Variants in DOCK7 observed in about 807,000 individuals in gnomAD.
The protein encoded by DOCK7 is dedicator of cytokinesis protein 7.
Under a neutral mutation model 271.0 loss-of-function variants are expected in DOCK7, and 138 were observed. The ratio of observed to expected loss-of-function variants is 0.51; its 90% CI spans 0.44 to 0.59. The LOEUF (loss-of-function observed/expected upper bound fraction) is 0.59, where lower values mean the gene tolerates loss of function less well. Ranked by LOEUF, DOCK7 falls within the 20% of genes least tolerant of loss-of-function variation. DOCK7 has a pLI of 0.00. For synonymous variants in DOCK7, 823 were observed against 876.1 expected (o/e 0.94, Z 1.07); for missense variants, 2,066 against 2,592.4 (o/e 0.80, Z 4.41).
At position 62,528,183 on chromosome 1, in the gene DOCK7, T is replaced by C; in HGVS notation, c.3904A>G (p.Thr1302Ala). 1 of 1,613,284 alleles carries C rather than the reference T, an allele frequency of 6.2e-7. No homozygotes were observed. The highest frequency in any genetic ancestry group is 2.2e-5 in the East Asian group (1 of 44,812). Residue 1302 changes from threonine to alanine, a missense_variant, in exon 31 of 50, where the codon ACA becomes GCA. Coordinates refer to ENST00000635253, the MANE Select transcript of DOCK7 (RefSeq NM_001367561.1). ...AIAGTSVPQL[T>A]RPGSFLLTST... is the part of the protein sequence containing the mutation. ...GTGAGGAGGAAACTGCCAGGCCTTG[T>C]TAGTTGAGGGACCGATGTCCCTGCG...
chr1:62,490,711 C>A (rs1421584970), intron 41 of DOCK7, among the ~76,000 whole-genome samples: 1 of 151,926 alleles, frequency 6.6e-6, no homozygotes, highest in Non-Finnish European at 1.5e-5. Context: ...GTTACTGTCC[C>A]CCAATCTAAA....
chr1:62,643,969 C>G (rs910831082), intron 7 of DOCK7, among the ~76,000 whole-genome samples: 1 of 151,784 alleles, frequency 6.6e-6, no homozygotes. Flanking sequence ...TTCTGAGAGT[C>G]TCTTGTTCCT....
chr1:62,677,993 T>G (rs1336491788), intron 1 of DOCK7, among the ~76,000 whole-genome samples: 1 of 152,108 alleles, frequency 6.6e-6, no homozygotes, highest in Non-Finnish European at 1.5e-5. Context: ...CCAGACATGG[T>G]GGTGCACACC....
chr1:62,610,507 C>T (rs577718789), intron 14 of DOCK7, among the ~76,000 whole-genome samples: 9 of 151,992 alleles, frequency 5.9e-5, no homozygotes, highest in South Asian at 2.1e-4. Flanking sequence ...GGGATACATG[C>T]GCAGAACGTG....
At chr1:62,590,740 A>C (rs1648313687) in intron 14 of DOCK7, among the ~76,000 whole-genome samples, 1 of 152,178 alleles carries the variant, frequency 6.6e-6, no homozygotes, top group Non-Finnish European at 1.5e-5. Flanking sequence ...TATGAAAAAA[A>C]CCTCAACATC....
intron 31 of DOCK7, among the ~76,000 whole-genome samples, chr1:62,525,499 T>TATG (rs1256578317): frequency 6.6e-6 from 1 of 152,176 alleles, no homozygotes; most frequent in African/African-American, 2.4e-5. Flanking sequence ...CATTATGTTT[T>TATG]ATGTACTTTG....
chr1:62,630,996 C>T (rs1654556096), intron 11 of DOCK7, among the ~76,000 whole-genome samples: 1 of 151,796 alleles, frequency 6.6e-6, no homozygotes, highest in South Asian at 2.1e-4. Flanking sequence ...ACCAGTTTGG[C>T]CAAAATGGTG....
intron 42 of DOCK7, chr1:62,488,342 A>G (rs942009881): frequency 1.3e-5 from 2 of 152,664 alleles, no homozygotes; most frequent in African/African-American, 4.8e-5. Context: ...TAGTGATAAT[A>G]TGTAGATTCC....
chr1:62,545,818 C>T (rs1271839264), intron 22 of DOCK7, among the ~76,000 whole-genome samples: 1 of 152,018 alleles, frequency 6.6e-6, no homozygotes, highest in Non-Finnish European at 1.5e-5. Context: ...TACTGTGATT[C>T]CAGGTGAAGG....
chr1:62,678,109 C>T, intron 1 of DOCK7, among the ~76,000 whole-genome samples: 1 of 152,078 alleles, frequency 6.6e-6, no homozygotes, highest in Non-Finnish European at 1.5e-5. Context: ...TCCTGGACAA[C>T]AGAGCAAGAG....
chr1:62,646,732 T>A (rs1656716189), intron 7 of DOCK7, among the ~76,000 whole-genome samples: 1 of 152,204 alleles, frequency 6.6e-6, no homozygotes, highest in African/African-American at 2.4e-5. Context: ...ACGCATTCTA[T>A]GGTATTTTGT....
At chr1:62,653,629 T>G (rs1156435586) in intron 4 of DOCK7, 96 bp downstream of exon 4, 14 of 783,916 alleles carry the variant, frequency 1.8e-5, no homozygotes, top group Non-Finnish European at 3.0e-5. Flanking sequence ...TTTGTTTAAA[T>G]AAATTTTCAG....
At chr1:62,639,900 CT>C (rs1000312551) in intron 7 of DOCK7, among the ~76,000 whole-genome samples, 151 of 141,524 alleles carry the variant, frequency 1.1e-3, no homozygotes, top group Middle Eastern at 7.2e-3. Context: ...AGAGTTTTTT[CT>C]TTTTTTTTTT....
chr1:62,683,529 C>G (rs192099739), intron 1 of DOCK7, among the ~76,000 whole-genome samples: 27 of 152,226 alleles, frequency 1.8e-4, no homozygotes, highest in Admixed American at 1.8e-3. Flanking sequence ...AAAGGATACC[C>G]GGTTAACAAA....
In DOCK7 at chr1:62,590,859, T is replaced by C. The variant is rs376819387; in HGVS notation, c.1683-4235A>G. On this transcript the variant is annotated intron_variant, in intron 14 of 49. Transcript: ENST00000635253. Reference sequence around the variant, plus strand: ...AAAGGAATAACAGATGCTGGTGAGGTTGTGGAGAAAAGGGAACACTTATAC... The same window carrying C: ...AAAGGAATAACAGATGCTGGTGAGGCTGTGGAGAAAAGGGAACACTTATAC... Among the ~76,000 whole-genome samples the C allele has an allele frequency of 1.2e-3, 182 of 152,206 alleles. 5 individuals are homozygous for C. In the Middle Eastern group the frequency reaches 0.048, roughly 40 times the overall value.
At chr1:62,488,791 T>G (rs1214289902) in intron 42 of DOCK7, 143 bp downstream of exon 42, 2 of 1,049,174 alleles carry the variant, frequency 1.9e-6, no homozygotes, top group Non-Finnish European at 2.9e-6. Context: ...GCTTTGGCCA[T>G]GAACTATCAT....
chr1:62,536,091 T>A (rs929587772), intron 28 of DOCK7, among the ~76,000 whole-genome samples: 7 of 83,472 alleles, frequency 8.4e-5, no homozygotes, highest in Non-Finnish European at 1.4e-4. Context: ...TCTGGAAAAT[T>A]ACCATCATTT....
intron 7 of DOCK7, among the ~76,000 whole-genome samples, chr1:62,640,637 T>G (rs1016921039): frequency 1.3e-5 from 2 of 152,236 alleles, no homozygotes; most frequent in African/African-American, 4.8e-5. Context: ...CTATAACCTC[T>G]TGGTTGCACA....
intron 15 of DOCK7, among the ~76,000 whole-genome samples, chr1:62,585,876 C>CA (rs967111262): frequency 1.3e-5 from 2 of 152,128 alleles, no homozygotes; most frequent in African/African-American, 4.8e-5. Flanking sequence ...CCTGGTGAGA[C>CA]TTAAAAATAC....
Sources: gnomAD v4.1 joint callset for allele counts (sites outside exome capture counted in the v4.1 genomes callset) on GRCh38, gnomAD v4.1.1 for gene constraint, MANE v1.5 for transcripts, NCBI Gene and HGNC (gene_info 2026-07-23, HGNC 2026-07-21) for gene names.